The following KIAA1217 variants were observed in gnomAD, a reference collection of about 807,000 sequenced individuals.
KIAA1217 encodes KIAA1217.
KIAA1217 carries 88 observed loss-of-function variants against 163.9 expected under a neutral mutation model. The observed-to-expected ratio is 0.54, with a 90% CI of 0.45 to 0.64. KIAA1217 has a LOEUF of 0.64. Ranked by LOEUF, KIAA1217 falls within the 30% of genes least tolerant of loss-of-function variation. The pLI is 0.00. For synonymous variants in KIAA1217, 903 were observed against 923.1 expected, an observed-to-expected ratio of 0.98 and a Z score of 0.39; for missense variants, 2,372 against 2,475.0, an observed-to-expected ratio of 0.96 and a Z score of 0.88.
At chr10:24,527,585 GC>G (rs1303405100) in intron 13 of KIAA1217, among the ~76,000 whole-genome samples, 2 of 151,862 alleles carry the variant, frequency 1.3e-5, no homozygotes, top group African/African-American at 4.8e-5. Flanking sequence ...GATTGCTTAA[GC>G]CCAGATGTTG....
At chr10:24,012,048 A>G (rs1187590978) in intron 2 of KIAA1217, among the ~76,000 whole-genome samples, 1 of 152,184 alleles carries the variant, frequency 6.6e-6, no homozygotes, top group East Asian at 1.9e-4. Flanking sequence ...ATTTAACAGA[A>G]CCCAAAGGCA....
rs139025287 is a variant in KIAA1217 at position 24,544,298 on chromosome 10, C to T, written c.5028C>T (p.Leu1676=). 2.0e-4 allele frequency: 325 copies of T among 1,614,032 alleles called. 3 individuals carry two copies. The African/African-American group carries it at 3.8e-3, about 19-fold the overall frequency. ...LDSLEQTIKQ[L]ENTISEMSPK... is the part of the protein sequence containing the mutation. ...GCCTGGAGCAGACCATTAAACAGCT[C>T]GAAAATACAATCAGTGAAATGAGTC... Residue 1676 remains leucine, a synonymous_variant, in exon 19 of 21, where the codon CTC becomes CTT. Coordinates refer to ENST00000376454, the MANE Select transcript of KIAA1217 (RefSeq NM_019590.5).
intron 3 of KIAA1217, among the ~76,000 whole-genome samples, chr10:24,424,123 C>T (rs2131602682): frequency 6.6e-6 from 1 of 150,758 alleles, no homozygotes; most frequent in South Asian, 2.1e-4. Flanking sequence ...TTTCTATTAT[C>T]TTTTTCTTCT....
At chr10:24,275,027 T>G (rs1290105405) in intron 2 of KIAA1217, among the ~76,000 whole-genome samples, 1 of 152,144 alleles carries the variant, frequency 6.6e-6, no homozygotes, top group South Asian at 2.1e-4. Context: ...AGCCTCAAAC[T>G]CCTGGGCTCA....
intron 1 of KIAA1217, among the ~76,000 whole-genome samples, chr10:23,832,002 A>G (rs1400951351): frequency 6.6e-6 from 1 of 152,134 alleles, no homozygotes; most frequent in African/African-American, 2.4e-5. Flanking sequence ...CCCAGTGGAC[A>G]ATTCTCTAGT....
intron 2 of KIAA1217, among the ~76,000 whole-genome samples, chr10:24,024,459 T>C (rs1847859901): frequency 6.6e-6 from 1 of 151,774 alleles, no homozygotes; most frequent in Non-Finnish European, 1.5e-5. Flanking sequence ...ATTATTTTTA[T>C]CCACGCAGTA....
At chr10:23,726,304 G>GTT (rs35157466) in intron 1 of KIAA1217, among the ~76,000 whole-genome samples, 6,563 of 137,474 alleles carry the variant, frequency 0.048, 451 homozygotes, top group African/African-American at 0.16. Flanking sequence ...CATGAGTTTG[G>GTT]TTTTTTTTTT....
intron 6 of KIAA1217, among the ~76,000 whole-genome samples, chr10:24,483,616 C>T (rs764045866): frequency 2.0e-5 from 3 of 152,032 alleles, no homozygotes; most frequent in African/African-American, 4.8e-5. Context: ...CTAAAGCAGG[C>T]GAGAGTGGGG....
intron 1 of KIAA1217, among the ~76,000 whole-genome samples, chr10:23,747,378 G>A (rs144742888): frequency 4.0e-3 from 609 of 152,204 alleles, no homozygotes; most frequent in African/African-American, 0.013. Flanking sequence ...GGGGCACTGG[G>A]GTCTCTCAGA....
intron 5 of KIAA1217, among the ~76,000 whole-genome samples, chr10:24,444,857 G>A (rs1380765824): frequency 4.6e-5 from 7 of 152,062 alleles, no homozygotes; most frequent in Admixed American, 4.6e-4. Context: ...AGGCATTTGT[G>A]GCGTGTGTTT....
At chr10:24,470,295 C>T (rs1490309825) in intron 5 of KIAA1217, among the ~76,000 whole-genome samples, 1 of 152,126 alleles carries the variant, frequency 6.6e-6, no homozygotes, top group Non-Finnish European at 1.5e-5. Context: ...ACGCGGTTGC[C>T]CAGCCTCCCT....
chr10:24,212,710 C>T (rs537768449), intron 1 of KIAA1217, among the ~76,000 whole-genome samples: 2 of 152,306 alleles, frequency 1.3e-5, no homozygotes, highest in African/African-American at 4.8e-5. Context: ...TCACCCATAA[C>T]GTTCATTTCT....
chr10:24,081,204 TC>T (rs2131656351), intron 2 of KIAA1217, among the ~76,000 whole-genome samples: 1 of 152,338 alleles, frequency 6.6e-6, no homozygotes, highest in South Asian at 2.1e-4. Flanking sequence ...CCAAATCATT[TC>T]TTCTGATGTT....
At position 23,856,898 on chromosome 10, in the gene KIAA1217, C is replaced by T. The variant is rs190697557; in HGVS notation, c.-320-150327C>T. Among the ~76,000 whole-genome samples the T allele has an allele frequency of 3.1e-3, 465 of 152,320 alleles. 11 individuals carry two copies. The highest frequency in any genetic ancestry group is 0.027 in the Admixed American group (406 of 15,300). On this transcript the variant is annotated intron_variant, in intron 1 of 18. Transcript: ENST00000376462. ...ATTAGGGTGGGAGTGACCCGATTTT[C>T]CAGGTGCTGTCTGTCACCCCTTTCT... is the stretch of plus-strand genomic sequence containing the variant.
chr10:24,503,632 A>T lies in KIAA1217; in HGVS notation c.2001+2087A>T, dbSNP rs149576473. ...TTCTAGATGTTTCAATATTTCAAGC[A>T]AATCTGGAGACACAGGTTTTATATG... On this transcript the variant is annotated intron_variant, in intron 9 of 20. Coordinates refer to ENST00000376454, the MANE Select transcript of KIAA1217 (RefSeq NM_019590.5). Among the ~76,000 whole-genome samples the T allele has an allele frequency of 9.6e-3, 1,470 of 152,356 alleles. 28 individuals carry two copies. The highest frequency in any genetic ancestry group is 0.034 in the African/African-American group (1,412 of 41,590).
At position 24,154,147 on chromosome 10, in the gene KIAA1217, C is replaced by T. The variant is rs1589698316; in HGVS notation, c.-170-65479C>T. On this transcript the variant is annotated intron_variant, in intron 2 of 18. Transcript: ENST00000376462. ...TAATTTTTTGTATTTTTAGTAGAGA[C>T]GGGGTTTCACCGTTTTAGCCGGGAT... is the stretch of plus-strand genomic sequence containing the variant. Among the ~76,000 whole-genome samples, 3 of 151,556 alleles carry T rather than the reference C, an allele frequency of 2.0e-5. No homozygotes were observed. In the South Asian group the frequency reaches 6.3e-4, roughly 32 times the overall value.
chr10:24,390,474 AGG>A (rs2054725716), intron 3 of KIAA1217, among the ~76,000 whole-genome samples: 1 of 121,446 alleles, frequency 8.2e-6, no homozygotes, highest in Non-Finnish European at 1.7e-5. Context: ...GGAGGGAGGG[AGG>A]GAAGGAAGGA....
Position 24,008,544 on chromosome 10 carries a change from C to T in KIAA1217, c.-171+1170C>T, listed in dbSNP as rs565310823. 4.3e-3 allele frequency among the ~76,000 whole-genome samples: 649 copies of T among 152,164 alleles called. 4 individuals are homozygous for T. The highest frequency in any genetic ancestry group is 7.0e-3 in the Non-Finnish European group (478 of 67,998). ...AAACCACCAGATGAAGGAGGGCATG[C>T]GGGTGCTGGATTTTGTGCAGCTAGA... On this transcript the variant is annotated intron_variant, in intron 2 of 18. Coordinates refer to the KIAA1217 transcript ENST00000376462.
At chr10:24,081,296 A>G (rs1471911489) in intron 2 of KIAA1217, among the ~76,000 whole-genome samples, 1 of 152,206 alleles carries the variant, frequency 6.6e-6, no homozygotes, top group Admixed American at 6.5e-5. Flanking sequence ...TTAAATGGCT[A>G]CGCTAATGTC....
Sources: allele counts gnomAD v4.1 joint callset (sites outside exome capture counted in the v4.1 genomes callset), GRCh38; gene constraint gnomAD v4.1.1; transcripts MANE v1.5; gene names NCBI Gene and HGNC (gene_info 2026-07-23, HGNC 2026-07-21).